Variants in KIF26A observed in about 807,000 individuals in gnomAD.
KIF26A encodes the protein kinesin family member 26A, also known as kinesin-like protein KIF26A.
KIF26A carries 74 observed loss-of-function variants against 126.0 expected under a neutral mutation model. That is an observed-to-expected ratio of 0.59 (90% confidence interval 0.49 to 0.71). The LOEUF (loss-of-function observed/expected upper bound fraction) is 0.71, where lower values mean the gene tolerates loss of function less well. KIF26A is among the 30% of genes least tolerant of loss of function. KIF26A has a pLI of 0.00. For synonymous variants in KIF26A, 1,445 were observed against 1,232.7 expected, an observed-to-expected ratio of 1.17 and a Z score of -3.61; for missense variants, 2,984 against 2,763.3, an observed-to-expected ratio of 1.08 and a Z score of -1.79.
intron 4 of KIF26A, among the ~76,000 whole-genome samples, chr14:104,158,585 A>G (rs528352338): frequency 5.9e-5 from 9 of 152,146 alleles, no homozygotes; most frequent in Non-Finnish European, 1.2e-4. Context: ...TTGCTTTCCC[A>G]GGCCCCGAGC....
At chr14:104,171,632 T>A in intron 5 of KIF26A, 91 bp from the exon 6 acceptor site, 1 of 1,128,098 alleles carries the variant, frequency 8.9e-7, no homozygotes, top group Non-Finnish European at 1.3e-6. Flanking sequence ...CCTGGCCCGC[T>A]GTCCCCACCT....
rs753796697 is a variant in KIF26A at position 104,177,714 on chromosome 14, G to T, written c.4926G>T (p.Pro1642=). Residue 1642 remains proline (P), a synonymous_variant, in exon 12 of 15, where the codon CCG becomes CCT. Transcript: ENST00000423312. The stretch of plus-strand genomic sequence containing the variant: ...GCAGCGTGCTGAGTGGAGAGCTGCC[G>T]CCCGCCATGGGCCGCACCGCCCTTT... The part of the protein sequence containing the change: ...DNSSVLSGEL[P]PAMGRTALFH... The T allele has an allele frequency of 3.3e-6, 5 of 1,531,368 alleles. No individual in the cohort carries two copies. Among genetic ancestry groups the T allele is most frequent in the Non-Finnish European group, 4.4e-6 (5 of 1,144,682 alleles). 94.9% of individuals were successfully genotyped at this position (1,531,368 alleles called of 1,614,324 possible).
intron 3 of KIF26A, 35 bp from the exon 4 acceptor site, chr14:104,157,720 T>C (rs1434159376): frequency 2.9e-5 from 46 of 1,594,310 alleles, no homozygotes; most frequent in Non-Finnish European, 3.6e-5. Flanking sequence ...TCTCTGCCCT[T>C]GCGTTCCTTA....
chr14:104,157,654 G>A, intron 3 of KIF26A, 101 bp from the exon 4 acceptor site: 1 of 1,277,380 alleles, frequency 7.8e-7, no homozygotes, highest in South Asian at 1.5e-5. Context: ...GAATGTGCTG[G>A]GCTCTGGGGT....
chr14:104,142,684 C>T (rs1354491822), intron 2 of KIF26A, among the ~76,000 whole-genome samples: 1 of 152,166 alleles, frequency 6.6e-6, no homozygotes, highest in Admixed American at 6.5e-5. Context: ...ACATCTAAGG[C>T]CCCCCTCGCT....
chr14:104,172,584 T>C lies in KIF26A; in HGVS notation c.1336T>C (p.Cys446Arg). 6.2e-7 allele frequency: 1 copy of C among 1,612,700 alleles called. No homozygotes were observed. Among genetic ancestry groups the C allele is most frequent in the Non-Finnish European group, 8.5e-7 (1 of 1,179,548 alleles). Reference sequence around the variant, plus strand: ...TCTCTTGCCCCCCTAGGCCGAAGTCTGCTCGGGGACCGTGGCCGACGTGCT... The same window carrying C: ...TCTCTTGCCCCCCTAGGCCGAAGTCCGCTCGGGGACCGTGGCCGACGTGCT... The part of the protein sequence containing the change: ...FPQDSEQAEV[C>R]SGTVADVLQS... The change falls in exon 7 of 15, where the codon TGC (cysteine) becomes CGC (arginine). Residue 446 changes from cysteine to arginine, a missense_variant. Cys to Arg is a radical substitution (Grantham distance 180, BLOSUM62 -3). Transcript: ENST00000423312.
chr14:104,164,677 C>T (rs558427453), intron 4 of KIF26A, among the ~76,000 whole-genome samples: 3 of 151,704 alleles, frequency 2.0e-5, no homozygotes, highest in Admixed American at 6.6e-5. Context: ...TGCCTGTCTG[C>T]GTGTGTATGT....
chr14:104,174,758 G>A (rs1005395106), intron 11 of KIF26A, among the ~76,000 whole-genome samples: 9 of 152,170 alleles, frequency 5.9e-5, no homozygotes, highest in African/African-American at 1.2e-4. Flanking sequence ...CCCTCCCAGC[G>A]CGGGGTGACA....
chr14:104,160,765 TC>T (rs1483293316), intron 4 of KIF26A, among the ~76,000 whole-genome samples: 1 of 152,206 alleles, frequency 6.6e-6, no homozygotes, highest in Non-Finnish European at 1.5e-5. Context: ...CTGAGGTACT[TC>T]CGTCATCATA....
Position 104,173,066 on chromosome 14 carries a change from G to A in KIF26A, c.1510G>A (p.Glu504Lys), listed in dbSNP as rs531648547. 21 of 1,605,364 alleles carry A rather than the reference G, an allele frequency of 1.3e-5. 1 individual carries two copies. The South Asian group carries it at 2.2e-4, about 17-fold the overall frequency. Residue 504 changes from glutamate (E) to lysine (K), a missense_variant, in exon 8 of 15, where the codon GAG becomes AAG. By Grantham distance (56) the Glu-to-Lys change is moderately conservative. Transcript: ENST00000423312. ...CAISWLFRLI[E>K]ERRERTGTRF... ...CATCTCCTGGCTCTTCAGGCTCATCGAGGAGCGCAGGGAGAGGACGGGCAC... is the reference window on the plus strand; with the variant it reads ...CATCTCCTGGCTCTTCAGGCTCATCAAGGAGCGCAGGGAGAGGACGGGCAC...
At position 104,177,659 on chromosome 14, in the gene KIF26A, G is replaced by T; in HGVS notation, c.4871G>T (p.Arg1624Leu). The change falls in exon 12 of 15, where the codon CGC becomes CTC. Residue 1624 changes from arginine to leucine, a missense_variant. Arg to Leu is a moderately radical substitution (Grantham distance 102). Transcript: ENST00000423312. Reference sequence around the variant, plus strand: ...GTGACCGCCCCACGGCGGCCCCAGCGCTACAGCAGCGGCCATGGCAGCGAC... The same window carrying T: ...GTGACCGCCCCACGGCGGCCCCAGCTCTACAGCAGCGGCCATGGCAGCGAC... ...SKVTAPRRPQ[R>L]YSSGHGSDNS... The T allele has an allele frequency of 6.5e-7, 1 of 1,527,712 alleles. No individual in the cohort carries two copies. Among genetic ancestry groups the T allele is most frequent in the Non-Finnish European group, 8.8e-7 (1 of 1,141,668 alleles). 94.6% of individuals were successfully genotyped at this position (1,527,712 alleles called of 1,614,324 possible).
intron 4 of KIF26A, among the ~76,000 whole-genome samples, chr14:104,158,264 C>T (rs1236833079): frequency 6.6e-6 from 1 of 152,266 alleles, no homozygotes; most frequent in Non-Finnish European, 1.5e-5. Flanking sequence ...CAACTAACCT[C>T]TCTGTGCCTC....
chr14:104,146,931 G>C (rs776021112), intron 2 of KIF26A, among the ~76,000 whole-genome samples: 1 of 152,110 alleles, frequency 6.6e-6, no homozygotes, highest in Non-Finnish European at 1.5e-5. Context: ...TGGCAGCCTC[G>C]TAGGAGGGGC....
intron 13 of KIF26A, 95 bp downstream of exon 13, chr14:104,178,850 G>A (rs1373015204): frequency 1.4e-6 from 1 of 734,688 alleles, no homozygotes; most frequent in Non-Finnish European, 2.2e-6. Flanking sequence ...CAGGCCTCTG[G>A]GGGTGTGGCT....
At chr14:104,146,546 C>T (rs74963250) in intron 2 of KIF26A, among the ~76,000 whole-genome samples, 1 of 152,138 alleles carries the variant, frequency 6.6e-6, no homozygotes, top group African/African-American at 2.4e-5. Flanking sequence ...TGGCGACCAC[C>T]GCAGATCCTC....
Position 104,177,783 on chromosome 14 carries a change from C to G in KIF26A, c.4995C>G (p.Arg1665=). 3 of 1,551,986 alleles carry G rather than the reference C, an allele frequency of 1.9e-6. No homozygotes were observed. Among genetic ancestry groups the G allele is most frequent in the Non-Finnish European group, 2.6e-6 (3 of 1,156,390 alleles). The change falls in exon 12 of 15, where the codon CGC becomes CGG. Residue 1665 remains arginine, a synonymous_variant. Coordinates refer to ENST00000423312, the MANE Select transcript of KIF26A (RefSeq NM_015656.2). The stretch of plus-strand genomic sequence containing the variant: ...GCAGTGGCTATGAGAGCCTGCGGCG[C>G]GACAGCGAGGCCACCGGCAGCGCCT... ...GGSSGYESLR[R]DSEATGSASS...
chr14:104,156,748 G>A lies in KIF26A; in HGVS notation c.736-1007G>A, dbSNP rs1048828434. On this transcript the variant is annotated intron_variant, in intron 3 of 14. Coordinates refer to ENST00000423312, the MANE Select transcript of KIF26A (RefSeq NM_015656.2). Reference sequence around the variant, plus strand: ...TTGTTCTGCTGACGTGCCGTGCCTGGCCTCTGGCCTGTGCCACTTGGGACA... The same window carrying A: ...TTGTTCTGCTGACGTGCCGTGCCTGACCTCTGGCCTGTGCCACTTGGGACA... 3.3e-5 allele frequency among the ~76,000 whole-genome samples: 5 copies of A among 152,188 alleles called. No individual in the cohort carries two copies. In the East Asian group the frequency reaches 7.7e-4, roughly 23 times the overall value.
At position 104,157,734 on chromosome 14, in the gene KIF26A, G is replaced by A. The variant is rs376759082; in HGVS notation, c.736-21G>A. 185 of 1,605,928 alleles carry A rather than the reference G, an allele frequency of 1.2e-4. No individual in the cohort carries two copies. In the Middle Eastern group the frequency reaches 1.6e-3, roughly 14 times the overall value. On this transcript the variant is annotated intron_variant, in intron 3 of 14. Coordinates refer to ENST00000423312, the MANE Select transcript of KIF26A (RefSeq NM_015656.2). Reference sequence around the variant, plus strand: ...GTCTCTGCCCTTGCGTTCCTTATACGCACTCTCTCCTTCCCTCCAGGCCGA... The same window carrying A: ...GTCTCTGCCCTTGCGTTCCTTATACACACTCTCTCCTTCCCTCCAGGCCGA...
chr14:104,176,796 G>C lies in KIF26A; in HGVS notation c.4008G>C (p.Leu1336=). The change falls in exon 12 of 15, where the codon CTG becomes CTC. Residue 1336 remains leucine (L), a synonymous_variant. Coordinates refer to ENST00000423312, the MANE Select transcript of KIF26A (RefSeq NM_015656.2). ...PTEVVACSGS[L]KASPTSKKGL... is the part of the protein sequence containing the mutation. ...AGGTGGTGGCCTGCTCGGGGAGCCT[G>C]AAGGCCTCCCCCACCAGCAAGAAGG... is the stretch of plus-strand genomic sequence containing the variant. 1 of 1,568,006 alleles carries C rather than the reference G, an allele frequency of 6.4e-7. No homozygotes were observed.
Sources: gnomAD v4.1 joint callset for allele counts (sites outside exome capture counted in the v4.1 genomes callset) on GRCh38, gnomAD v4.1.1 for gene constraint, MANE v1.5 for transcripts, NCBI Gene and HGNC (gene_info 2026-07-23, HGNC 2026-07-21) for gene names.